Variants in LRRC37A2 observed in about 807,000 individuals in gnomAD.
LRRC37A2 encodes the protein leucine rich repeat containing 37 member A2.
LRRC37A2 carries 9 observed loss-of-function variants against 68.8 expected under a neutral mutation model. That is an observed-to-expected ratio of 0.13 (90% CI 0.08 to 0.23). The LOEUF (loss-of-function observed/expected upper bound fraction) is 0.23, where lower values mean the gene tolerates loss of function less well. Ranked by LOEUF, LRRC37A2 falls within the 10% of genes least tolerant of loss-of-function variation. The pLI is 1.00. For synonymous variants in LRRC37A2, 63 were observed against 367.6 expected, an observed-to-expected ratio of 0.17 and a Z score of 9.48; for missense variants, 168 against 950.4, an observed-to-expected ratio of 0.18 and a Z score of 10.82.
the LRRC37A2 span, among the ~76,000 whole-genome samples, chr17:46,449,736 T>C: frequency 0.31 from 30,843 of 98,276 alleles, 11,468 homozygotes; most frequent in Middle Eastern, 0.52. Flanking sequence ...TGGTGATAGA[T>C]GATGTCAGGT....
At chr17:46,821,350 A>G in the LRRC37A2 span, 1 of 152,256 alleles carries the variant, frequency 6.6e-6, no homozygotes, top group African/African-American at 2.4e-5. Context: ...CCTTTCCCCC[A>G]GGTGTCCTTC....
At chr17:46,937,807 A>G in the LRRC37A2 span, 1 of 152,292 alleles carries the variant, frequency 6.6e-6, no homozygotes, top group Non-Finnish European at 1.5e-5. Flanking sequence ...CCATTGGTAC[A>G]GGTTTACCAT....
chr17:46,877,328 T>G, the LRRC37A2 span, among the ~76,000 whole-genome samples: 1 of 152,220 alleles, frequency 6.6e-6, no homozygotes, highest in Non-Finnish European at 1.5e-5. Context: ...CTTTCTGTGC[T>G]TGAGTGGACC....
the LRRC37A2 span, among the ~76,000 whole-genome samples, chr17:46,727,452 A>G: frequency 2.0e-5 from 3 of 152,226 alleles, no homozygotes; most frequent in African/African-American, 7.2e-5. Context: ...CAGTGTCTGA[A>G]TAATCCCTTC....
chr17:46,961,126 C>T, the LRRC37A2 span, among the ~76,000 whole-genome samples: 30 of 151,576 alleles, frequency 2.0e-4, no homozygotes, highest in African/African-American at 7.3e-4. Context: ...CTGATTTTGC[C>T]GAGGATAAAG....
chr17:46,646,502 CAAAAAAAAAAAAAAAAAAAAAA>C, the LRRC37A2 span, among the ~76,000 whole-genome samples: 4 of 494 alleles, frequency 8.1e-3, 2 homozygotes, highest in African/African-American at 0.012. Context: ...GACTCCATCT[CAAAAAAAAAAAAAAAAAAAAAA>C]AAAAAAAAAA....
At chr17:46,936,731 A>T in the LRRC37A2 span, 1 of 984,806 alleles carries the variant, frequency 1.0e-6, no homozygotes, top group Non-Finnish European at 1.2e-6. Context: ...GTGTGTTCAG[A>T]GCCAAGCAGG....
chr17:46,772,556 C>T, the LRRC37A2 span, among the ~76,000 whole-genome samples: 18 of 152,190 alleles, frequency 1.2e-4, no homozygotes, highest in Non-Finnish European at 2.1e-4. Context: ...GCCACTTGGC[C>T]CCAATTAAGA....
At chr17:46,810,429 T>G in the LRRC37A2 span, among the ~76,000 whole-genome samples, 1 of 152,104 alleles carries the variant, frequency 6.6e-6, no homozygotes, top group South Asian at 2.1e-4. Flanking sequence ...TGATGCTCAA[T>G]GGAGAGCCCC....
At chr17:46,413,425 A>G in the LRRC37A2 span, among the ~76,000 whole-genome samples, 1 of 70,950 alleles carries the variant, frequency 1.4e-5, no homozygotes, top group African/African-American at 3.8e-5. Flanking sequence ...CAATTGTCAT[A>G]TTTTCTTTAT....
chr17:46,904,426 G>A, the LRRC37A2 span, among the ~76,000 whole-genome samples: 6 of 146,600 alleles, frequency 4.1e-5, no homozygotes, highest in East Asian at 1.2e-3. Flanking sequence ...GGGTGCGTGG[G>A]TGGCTGGGTG....
chr17:46,874,630 T>G, the LRRC37A2 span, among the ~76,000 whole-genome samples: 1 of 152,072 alleles, frequency 6.6e-6, no homozygotes, highest in East Asian at 1.9e-4. Flanking sequence ...CAGGCTGGAG[T>G]GCAATGGCGC....
At chr17:46,977,981 T>A in the LRRC37A2 span, among the ~76,000 whole-genome samples, 1 of 152,246 alleles carries the variant, frequency 6.6e-6, no homozygotes, top group Non-Finnish European at 1.5e-5. Context: ...CGATTCCCTT[T>A]GCCTTTCCTC....
At chr17:46,755,876 T>C in the LRRC37A2 span, 4 of 1,566,666 alleles carry the variant, frequency 2.6e-6, no homozygotes, top group Non-Finnish European at 3.5e-6. Flanking sequence ...AAGGTGAAGA[T>C]GGCCTAGGAT....
chr17:46,667,593 TG>T, the LRRC37A2 span, among the ~76,000 whole-genome samples: 1 of 141,136 alleles, frequency 7.1e-6, no homozygotes, highest in Non-Finnish European at 1.6e-5. Flanking sequence ...TGAGAACCAC[TG>T]ACTAGAAAAG....
chr17:46,820,718 C>T, the LRRC37A2 span, among the ~76,000 whole-genome samples: 2 of 152,186 alleles, frequency 1.3e-5, no homozygotes, highest in Non-Finnish European at 2.9e-5. Context: ...ATACCTCCCT[C>T]TTGGATGGAG....
the LRRC37A2 span, among the ~76,000 whole-genome samples, chr17:46,881,920 G>A: frequency 1.1e-4 from 17 of 152,120 alleles, no homozygotes; most frequent in Admixed American, 1.1e-3. Flanking sequence ...ACATCTAAGA[G>A]ATGTAACATT....
chr17:46,534,860 C>T (rs554523094), intron 6 of LRRC37A2, among the ~76,000 whole-genome samples: 34 of 149,388 alleles, frequency 2.3e-4, no homozygotes, highest in East Asian at 1.4e-3. Flanking sequence ...GGGCGGCTGC[C>T]GGGCAGAGGG....
At chr17:47,033,432 G>A in the LRRC37A2 span, 8 of 690,732 alleles carry the variant, frequency 1.2e-5, no homozygotes, top group African/African-American at 3.5e-5. Context: ...AGTACATCGC[G>A]CATATTGGGT....
Sources: allele counts gnomAD v4.1 joint callset (sites outside exome capture counted in the v4.1 genomes callset), GRCh38; gene constraint gnomAD v4.1.1; transcripts MANE v1.5; gene names NCBI Gene and HGNC (gene_info 2026-07-23, HGNC 2026-07-21).